The following RSL1D1 variants were observed in gnomAD, a reference collection of about 807,000 sequenced individuals.
The protein encoded by RSL1D1 is ribosomal L1 domain-containing protein 1.
RSL1D1 carries 34 observed loss-of-function variants against 44.6 expected under a neutral mutation model. That is an observed-to-expected ratio of 0.76 (90% CI 0.58 to 1.02). The LOEUF (loss-of-function observed/expected upper bound fraction) is 1.02. Ranked by LOEUF, RSL1D1 falls within the 50% of genes least tolerant of loss-of-function variation. RSL1D1 has a pLI of 0.00. For missense variants in RSL1D1, 767 were observed against 568.1 expected (o/e 1.35, Z -3.56); for synonymous variants, 271 against 207.4 (o/e 1.31, Z -2.63).
In RSL1D1 at chr16:11,846,966, T is replaced by C. The variant is rs2141254610; in HGVS notation, c.385-123A>G. ...CTAGAGCCATGCCTCTATACTTTAATGAACACTTGAGGGCCTAAAATGTGC... is the reference window on the plus strand; with the variant it reads ...CTAGAGCCATGCCTCTATACTTTAACGAACACTTGAGGGCCTAAAATGTGC... On this transcript the variant is annotated intron_variant, in intron 3 of 8. Coordinates refer to ENST00000571133, the MANE Select transcript of RSL1D1 (RefSeq NM_015659.3). 6 of 849,914 alleles carry C rather than the reference T, an allele frequency of 7.1e-6. No homozygotes were observed. In the South Asian group the frequency reaches 8.3e-5, roughly 12 times the overall value. 52.6% of individuals were successfully genotyped at this position (849,914 alleles called of 1,614,324 possible). A position where few individuals can be genotyped will look rare whatever the true frequency, so the allele number is the denominator to read the frequency against.
chr16:11,847,111 T>C (rs2018199), intron 3 of RSL1D1, among the ~76,000 whole-genome samples: 104,210 of 152,022 alleles, frequency 0.69, 36,156 homozygotes, highest in Admixed American at 0.77. Flanking sequence ...TGTATGTGCT[T>C]ACGCCTGTAA....
intron 8 of RSL1D1, 36 bp downstream of exon 8, chr16:11,839,659 C>G (rs1286470676): frequency 1.2e-6 from 2 of 1,607,238 alleles, no homozygotes; most frequent in Non-Finnish European, 1.7e-6. Flanking sequence ...AGCCACTGAA[C>G]CAATCCATTA....
Position 11,841,907 on chromosome 16 carries a change from C to A in RSL1D1, c.729G>T (p.Glu243Asp), listed in dbSNP as rs771285854. The A allele has an allele frequency of 5.0e-6, 8 of 1,613,160 alleles. No individual in the cohort carries two copies. The highest frequency in any genetic ancestry group is 6.8e-6 in the Non-Finnish European group (8 of 1,179,696). The change falls in exon 6 of 9, where the codon GAG (glutamate) becomes GAT (aspartate). Residue 243 changes from glutamate to aspartate, a missense_variant and splice_region_variant. Physicochemically the swap from Glu to Asp is conservative, Grantham distance 45 (BLOSUM62 2). Coordinates refer to ENST00000571133, the MANE Select transcript of RSL1D1 (RefSeq NM_015659.3). ...AATTGATGCACCTGTAATACTGTAC[C>A]TCTGGCAATTTTTCTGAAAGTCCTT... ...VTKGLSEKLPEKWESVKLLFV... is the reference protein window; with the variant it reads ...VTKGLSEKLPDKWESVKLLFV...
intron 8 of RSL1D1, among the ~76,000 whole-genome samples, chr16:11,838,831 T>C (rs1040698134): frequency 7.6e-6 from 1 of 132,418 alleles, no homozygotes; most frequent in African/African-American, 3.2e-5. Flanking sequence ...CACTCCATCC[T>C]GGGCAACAAA....
chr16:11,841,948 T>G lies in RSL1D1; in HGVS notation c.688A>C (p.Ile230Leu). 3 of 1,614,058 alleles carry G rather than the reference T, an allele frequency of 1.9e-6. No homozygotes were observed. Among genetic ancestry groups the G allele is most frequent in the Non-Finnish European group, 2.5e-6 (3 of 1,179,988 alleles). ...GAAAGTCCTTTGGTGACAGCAACAA[T>G]GTTTTCAATGATGTGCTCAATTTGC... Reference protein sequence around the residue: ...GMQIEHIIENIVAVTKGLSEK... With the variant: ...GMQIEHIIENLVAVTKGLSEK... The change falls in exon 6 of 9, where the codon ATT becomes CTT. Residue 230 changes from isoleucine (I) to leucine (L), a missense_variant. Physicochemically the swap from Ile to Leu is conservative, Grantham distance 5 (BLOSUM62 2). Coordinates refer to ENST00000571133, the MANE Select transcript of RSL1D1 (RefSeq NM_015659.3).
At chr16:11,838,179 G>T in intron 8 of RSL1D1, 66 bp from the exon 9 acceptor site, 1 of 1,256,220 alleles carries the variant, frequency 8.0e-7, no homozygotes, top group South Asian at 1.5e-5. Flanking sequence ...AACTCCAGGA[G>T]TTACTGTTTT....
rs775721999 is a variant in RSL1D1 at position 11,837,925 on chromosome 16, C to T, written c.1335G>A (p.Ser445=). 2.7e-5 allele frequency: 44 copies of T among 1,614,014 alleles called. 1 individual carries two copies. In the Middle Eastern group the frequency reaches 1.6e-3, roughly 61 times the overall value. The part of the protein sequence containing the change: ...KEEAVKEKSP[S]LGKKDARQTP... ...TCTGTCTCGCATCTTTTTTCCCCAG[C>T]GAAGGACTTTTTTCCTTCACTGCCT... The change falls in exon 9 of 9, where the codon TCG becomes TCA. Residue 445 remains serine, a synonymous_variant. Transcript: ENST00000571133.
intron 5 of RSL1D1, among the ~76,000 whole-genome samples, chr16:11,845,133 G>A (rs115651398): frequency 3.7e-4 from 56 of 152,298 alleles, no homozygotes; most frequent in African/African-American, 1.3e-3. Context: ...GGATCTTCAC[G>A]TTAAGGGGTA....
rs139246232 is a variant in RSL1D1, at chr16:11,851,284, C to T, written c.105+124G>A. 8,211 of 902,422 alleles carry T rather than the reference C, an allele frequency of 9.1e-3. 131 individuals carry two copies. The highest frequency in any genetic ancestry group is 0.033 in the Middle Eastern group (129 of 3,914). The allele number at this position is 902,422 out of a possible 1,614,324, so 55.9% of individuals were successfully genotyped here. On this transcript the variant is annotated intron_variant, in intron 1 of 8. Coordinates refer to ENST00000571133, the MANE Select transcript of RSL1D1 (RefSeq NM_015659.3). ...GGGAGAGACAGCTGAGGCACACGGC[C>T]CGCCAGCGACCGTCCCACAGCCCCG... is the stretch of plus-strand genomic sequence containing the variant.
chr16:11,839,098 G>GTTCA (rs1353451622), intron 8 of RSL1D1, among the ~76,000 whole-genome samples: 1 of 152,052 alleles, frequency 6.6e-6, no homozygotes, highest in Non-Finnish European at 1.5e-5. Flanking sequence ...GAGTGCGGTG[G>GTTCA]TTCATGCCTG....
chr16:11,845,871 A>T (rs942564131), intron 5 of RSL1D1, among the ~76,000 whole-genome samples: 1 of 151,664 alleles, frequency 6.6e-6, no homozygotes, highest in African/African-American at 2.4e-5. Flanking sequence ...ACAGGGATGC[A>T]CCACCACACC....
In RSL1D1 at chr16:11,834,209, C is replaced by T. The variant is rs531049262; in HGVS notation, c.*3578G>A. 6.6e-6 allele frequency: 1 copy of T among 152,250 alleles called. No individual in the cohort carries two copies. Among genetic ancestry groups the T allele is most frequent in the African/African-American group, 2.4e-5 (1 of 41,526 alleles). 9.4% of individuals were successfully genotyped at this position (152,250 alleles called of 1,614,324 possible). A position where few individuals can be genotyped will look rare whatever the true frequency, so the allele number is the denominator to read the frequency against. On this transcript the variant is annotated 3_prime_UTR_variant, in exon 9 of 9. Transcript: ENST00000571133. Reference sequence around the variant, plus strand: ...AGAATGTACCCATTTTAGGATGATTCAACTTTATGATTTTTCAACTTTTTG... The same window carrying T: ...AGAATGTACCCATTTTAGGATGATTTAACTTTATGATTTTTCAACTTTTTG...
Position 11,836,415 on chromosome 16 carries a change from C to G in RSL1D1, c.*1372G>C, listed in dbSNP as rs889931502. The G allele has an allele frequency of 6.6e-6, 1 of 152,188 alleles. No individual in the cohort carries two copies. The highest frequency in any genetic ancestry group is 1.5e-5 in the Non-Finnish European group (1 of 68,046). 9.4% of individuals were successfully genotyped at this position (152,188 alleles called of 1,614,324 possible). On this transcript the variant is annotated 3_prime_UTR_variant, in exon 9 of 9. Coordinates refer to ENST00000571133, the MANE Select transcript of RSL1D1 (RefSeq NM_015659.3). ...TCTTTGGCATGCAAGAACATTCCTG[C>G]ACTGCAGTGAATCTGTGAACTTACT...
chr16:11,850,350 C>A lies in RSL1D1; in HGVS notation c.174G>T (p.Leu58Phe). 1 of 1,601,832 alleles carries A rather than the reference C, an allele frequency of 6.2e-7. No homozygotes were observed. Among genetic ancestry groups the A allele is most frequent in the Non-Finnish European group, 8.5e-7 (1 of 1,177,094 alleles). Residue 58 changes from leucine to phenylalanine, a missense_variant, in exon 2 of 9, where the codon TTG (leucine) becomes TTT (phenylalanine). Transcript: ENST00000571133. ...KSRKNNYGLL[L>F]NENESLFLMV... ...TTAAAAATAAACTTTCATTCTCATT[C>A]AAAAGCAACCCATAATTGTTTTTCC...
At chr16:11,848,951 T>A (rs528884945) in intron 2 of RSL1D1, among the ~76,000 whole-genome samples, 2 of 152,202 alleles carry the variant, frequency 1.3e-5, no homozygotes, top group African/African-American at 4.8e-5. Context: ...CTAATTTTTG[T>A]ATTTTTAGGA....
At position 11,834,279 on chromosome 16, in the gene RSL1D1, C is replaced by G. The variant is rs192860738; in HGVS notation, c.*3508G>C. The G allele has an allele frequency of 7.2e-5, 11 of 152,226 alleles. No individual in the cohort carries two copies. Among genetic ancestry groups the G allele is most frequent in the African/African-American group, 2.6e-4 (11 of 41,540 alleles). 9.4% of individuals were successfully genotyped at this position (152,226 alleles called of 1,614,324 possible). On this transcript the variant is annotated 3_prime_UTR_variant, in exon 9 of 9. Coordinates refer to ENST00000571133, the MANE Select transcript of RSL1D1 (RefSeq NM_015659.3). ...TAATCAGTACAAACCATATACATAC[C>G]ACCATTTTTCAGTACAGTACTCATT...
chr16:11,848,057 G>C (rs1222912529), intron 2 of RSL1D1, among the ~76,000 whole-genome samples: 1 of 152,106 alleles, frequency 6.6e-6, no homozygotes, highest in East Asian at 1.9e-4. Context: ...TTCAAGACCA[G>C]CCTGGCCAAC....
At chr16:11,838,574 G>C (rs560972389) in intron 8 of RSL1D1, among the ~76,000 whole-genome samples, 1 of 152,084 alleles carries the variant, frequency 6.6e-6, no homozygotes, top group African/African-American at 2.4e-5. Flanking sequence ...TTAAGAATGA[G>C]GTATAGGTGA....
intron 2 of RSL1D1, among the ~76,000 whole-genome samples, chr16:11,848,691 G>A (rs971905401): frequency 3.9e-5 from 6 of 152,022 alleles, no homozygotes; most frequent in Admixed American, 1.3e-4. Context: ...ACAGGGTTTC[G>A]CCACATAGCC....
Sources: gnomAD v4.1 joint callset for allele counts (sites outside exome capture counted in the v4.1 genomes callset) on GRCh38, gnomAD v4.1.1 for gene constraint, MANE v1.5 for transcripts, NCBI Gene and HGNC (gene_info 2026-07-23, HGNC 2026-07-21) for gene names.